Variants in TKT observed in about 807,000 individuals in gnomAD.
The protein encoded by TKT is transketolase.
A neutral mutation model predicts 63.9 loss-of-function variants in TKT; 47 were observed. That is an observed-to-expected ratio of 0.74 (90% CI 0.58 to 0.94). The LOEUF is 0.94. Ranked by LOEUF, TKT falls within the 40% of genes least tolerant of loss-of-function variation. The probability of loss-of-function intolerance (pLI) is 0.00; values close to 1 mark genes in which losing one functional copy is unlikely to be tolerated. For missense variants in TKT, 721 were observed against 846.2 expected (o/e 0.85, Z 1.84); for synonymous variants, 338 against 334.1 (o/e 1.01, Z -0.13).
In TKT at chr3:53,241,262, G is replaced by T; in HGVS notation, c.226-17C>A. ...TGCATGGCCCTGCCGGGAGATGGAT[G>T]GTGGGGTGAGGTCAGGTGGGGAGCG... On this transcript the variant is annotated splice_polypyrimidine_tract_variant and intron_variant, in intron 2 of 13. Transcript: ENST00000462138. The T allele has an allele frequency of 6.3e-7, 1 of 1,590,110 alleles. No individual in the cohort carries two copies. Among genetic ancestry groups the T allele is most frequent in the South Asian group, 1.1e-5 (1 of 88,246 alleles).
intron 1 of TKT, among the ~76,000 whole-genome samples, chr3:53,251,953 A>C (rs1298261778): frequency 3.3e-5 from 5 of 152,212 alleles, no homozygotes; most frequent in Non-Finnish European, 7.3e-5. Flanking sequence ...CAACCTCAAC[A>C]TGGAGAAACC....
chr3:53,233,624 C>T (rs1461011709), intron 5 of TKT: 1 of 184,790 alleles, frequency 5.4e-6, no homozygotes, highest in Admixed American at 6.2e-5. Flanking sequence ...TGGAATCTGT[C>T]TGCTATTAGA....
intron 1 of TKT, among the ~76,000 whole-genome samples, chr3:53,250,184 G>C (rs1559660355): frequency 6.6e-6 from 1 of 152,314 alleles, no homozygotes; most frequent in Middle Eastern, 3.4e-3. Flanking sequence ...CAATCTCAAC[G>C]GTCATGCTCT....
chr3:53,242,160 G>A lies in TKT; in HGVS notation c.190C>T (p.Arg64Trp), dbSNP rs781806925. ...ACAAAGCGGTCATTGTGCGGATTCC[G>A]GGGGTCCTGGGACTTGTAGCGCATG... is the stretch of plus-strand genomic sequence containing the variant. Reference protein sequence around the residue: ...HTMRYKSQDPRNPHNDRFVLS... With the variant: ...HTMRYKSQDPWNPHNDRFVLS... Residue 64 changes from arginine to tryptophan, a missense_variant, in exon 2 of 14, where the codon CGG becomes TGG. By Grantham distance (101) the Arg-to-Trp change is moderately radical. Coordinates refer to ENST00000462138, the MANE Select transcript of TKT (RefSeq NM_001064.4). The A allele has an allele frequency of 1.7e-5, 28 of 1,613,872 alleles. No homozygotes were observed. The highest frequency in any genetic ancestry group is 5.5e-5 in the South Asian group (5 of 91,086).
intron 1 of TKT, among the ~76,000 whole-genome samples, chr3:53,249,646 C>T (rs1705664989): frequency 6.6e-6 from 1 of 152,140 alleles, no homozygotes; most frequent in Non-Finnish European, 1.5e-5. Context: ...TCTTGGGCGT[C>T]CACACTTCCC....
At chr3:53,238,893 C>T (rs1036896666) in intron 4 of TKT, among the ~76,000 whole-genome samples, 2 of 152,214 alleles carry the variant, frequency 1.3e-5, no homozygotes, top group Non-Finnish European at 2.9e-5. Context: ...CAGGGCCTAG[C>T]CCCCAAAGGG....
chr3:53,227,992 G>A, intron 12 of TKT, 64 bp downstream of exon 12: 1 of 1,397,352 alleles, frequency 7.2e-7, no homozygotes, highest in Non-Finnish European at 1.0e-6. Context: ...ACGAAAGAAA[G>A]AACCCCAAGA....
At chr3:53,231,664 C>T (rs1375696556) in intron 6 of TKT, 114 bp from the exon 7 acceptor site, 8 of 1,159,102 alleles carry the variant, frequency 6.9e-6, no homozygotes, top group Non-Finnish European at 9.7e-6. Context: ...GGAGGAATGG[C>T]ATCATCCCAG....
intron 3 of TKT, among the ~76,000 whole-genome samples, 179 bp downstream of exon 3, chr3:53,240,953 C>A (rs1425984765): frequency 1.3e-5 from 2 of 152,204 alleles, no homozygotes; most frequent in African/African-American, 2.4e-5. Flanking sequence ...CCCTTTGGCA[C>A]CAGCTTGGGT....
In TKT at chr3:53,228,166, G is replaced by C. The variant is rs1309172719; in HGVS notation, c.1480-17C>G. On this transcript the variant is annotated splice_polypyrimidine_tract_variant and intron_variant, in intron 11 of 13. Coordinates refer to ENST00000462138, the MANE Select transcript of TKT (RefSeq NM_001064.4). ...CAGGACCACCTGGGGGTGACACAGA[G>C]GGTGAGTAAGGCTCAGGGCCCTGGG... is the stretch of plus-strand genomic sequence containing the variant. 6.2e-7 allele frequency: 1 copy of C among 1,613,944 alleles called. No individual in the cohort carries two copies. Among genetic ancestry groups the C allele is most frequent in the Non-Finnish European group, 8.5e-7 (1 of 1,179,878 alleles).
chr3:53,227,125 C>A, intron 12 of TKT: 2 of 458,032 alleles, frequency 4.4e-6, no homozygotes, highest in East Asian at 4.1e-5. Flanking sequence ...CAGAGCGGAG[C>A]GTGCAGGCCC....
intron 6 of TKT, chr3:53,231,985 C>T: frequency 3.8e-6 from 1 of 262,170 alleles, no homozygotes; most frequent in Non-Finnish European, 7.2e-6. Flanking sequence ...AGAAGGGGAA[C>T]CCAAGGCCCA....
At chr3:53,238,922 G>A (rs995463822) in intron 4 of TKT, among the ~76,000 whole-genome samples, 7 of 152,248 alleles carry the variant, frequency 4.6e-5, no homozygotes, top group Admixed American at 4.6e-4. Flanking sequence ...CCCTTCTGAT[G>A]AGTGACTGAC....
At chr3:53,255,119 C>T (rs1705927947) in intron 1 of TKT, among the ~76,000 whole-genome samples, 1 of 152,226 alleles carries the variant, frequency 6.6e-6, no homozygotes, top group Admixed American at 6.5e-5. Flanking sequence ...GGTTCTGCAC[C>T]CACGTGCCAC....
rs1704574532 is a variant in TKT, at chr3:53,228,058, T to G, written c.1571A>C (p.Lys524Thr). 2 of 1,612,500 alleles carry G rather than the reference T, an allele frequency of 1.2e-6. No homozygotes were observed. The highest frequency in any genetic ancestry group is 1.7e-6 in the Non-Finnish European group (2 of 1,179,940). The change falls in exon 12 of 14, where the codon AAA becomes ACA. Residue 524 changes from lysine to threonine, a missense_variant and splice_region_variant. Physicochemically the swap from Lys to Thr is moderately conservative, Grantham distance 78. Transcript: ENST00000462138. ...EALAAAELLK[K>T]EKINIRVLDP... ...CTTTGGAGGCCCCTTCTCCTCACCTTTCTTCAGCAGTTCGGCAGCGGCCAA... is the reference window on the plus strand; with the variant it reads ...CTTTGGAGGCCCCTTCTCCTCACCTGTCTTCAGCAGTTCGGCAGCGGCCAA...
At chr3:53,229,469 G>A in intron 8 of TKT, 33 bp from the exon 9 acceptor site, 1 of 1,582,304 alleles carries the variant, frequency 6.3e-7, no homozygotes, top group Non-Finnish European at 8.6e-7. Flanking sequence ...CAGCCCAAAG[G>A]GGCAGGCAGA....
In TKT at chr3:53,237,258, C is replaced by T. The variant is rs541795016; in HGVS notation, c.438-2084G>A. Among the ~76,000 whole-genome samples the T allele has an allele frequency of 3.3e-5, 5 of 151,996 alleles. No homozygotes were observed. In the South Asian group the frequency reaches 6.2e-4, roughly 19 times the overall value. On this transcript the variant is annotated intron_variant, in intron 4 of 13. Coordinates refer to ENST00000462138, the MANE Select transcript of TKT (RefSeq NM_001064.4). ...TAAAAATTAGCTGAGTGTGGTGGTG[C>T]GCGTCTGTAATCCCAGCTACTCGGG...
chr3:53,231,227 C>T, intron 7 of TKT, 130 bp downstream of exon 7: 1 of 1,029,128 alleles, frequency 9.7e-7, no homozygotes, highest in East Asian at 2.5e-5. Flanking sequence ...GGAACAACAC[C>T]TCAGGGATCA....
At chr3:53,252,708 C>A (rs1553681822) in intron 1 of TKT, among the ~76,000 whole-genome samples, 1 of 152,138 alleles carries the variant, frequency 6.6e-6, no homozygotes, top group Non-Finnish European at 1.5e-5. Context: ...TTTTGGAGCA[C>A]CCTACATTTG....
Sources: allele counts gnomAD v4.1 joint callset (sites outside exome capture counted in the v4.1 genomes callset), GRCh38; gene constraint gnomAD v4.1.1; transcripts MANE v1.5; gene names NCBI Gene and HGNC (gene_info 2026-07-23, HGNC 2026-07-21).